The following KCTD1 variants were observed in gnomAD, a reference collection of about 807,000 sequenced individuals.
KCTD1 encodes BTB/POZ domain-containing protein KCTD1.
Under a neutral mutation model 66.0 loss-of-function variants are expected in KCTD1, and 24 were observed. The ratio of observed to expected loss-of-function variants is 0.36; its 90% CI spans 0.26 to 0.51. The LOEUF (loss-of-function observed/expected upper bound fraction) is 0.51. KCTD1 is among the 20% of genes least tolerant of loss of function. The pLI, the probability that KCTD1 is intolerant of heterozygous loss-of-function variation, is 0.95. For synonymous variants in KCTD1, 511 were observed against 517.2 expected (o/e 0.99, Z 0.16); for missense variants, 943 against 1,205.2 (o/e 0.78, Z 3.22).
chr18:26,600,794 T>C (rs1598961121), intron 1 of KCTD1, among the ~76,000 whole-genome samples: 2 of 151,982 alleles, frequency 1.3e-5, no homozygotes, highest in South Asian at 2.1e-4. Context: ...GAGTCAAGTG[T>C]CTCACAACCT....
At chr18:26,501,380 G>C in intron 1 of KCTD1, 130 bp from the exon 2 acceptor site, 1 of 779,416 alleles carries the variant, frequency 1.3e-6, no homozygotes, top group Non-Finnish European at 2.0e-6. Context: ...AAACCGGCAA[G>C]CTCTTGCTTT....
chr18:26,538,928 C>T (rs757150451), intron 1 of KCTD1, among the ~76,000 whole-genome samples: 3 of 152,186 alleles, frequency 2.0e-5, no homozygotes, highest in Admixed American at 6.5e-5. Context: ...CACAGCAAAA[C>T]GGAAGCCTGC....
At chr18:26,643,771 G>A (rs1001686575), upstream of KCTD1, among the ~76,000 whole-genome samples, 3 of 152,166 alleles carry the variant, frequency 2.0e-5, no homozygotes, top group Admixed American at 6.5e-5. Flanking sequence ...GACCATCCTG[G>A]CTAACACGAT....
At chr18:26,504,490 C>A (rs1166630388) in intron 1 of KCTD1, among the ~76,000 whole-genome samples, 1 of 152,124 alleles carries the variant, frequency 6.6e-6, no homozygotes, top group Non-Finnish European at 1.5e-5. Flanking sequence ...CCTCGGCCTC[C>A]AAAGTGTTGG....
intron 1 of KCTD1, among the ~76,000 whole-genome samples, chr18:26,567,377 G>C (rs1245051887): frequency 6.6e-6 from 1 of 152,156 alleles, no homozygotes. Context: ...GCTTTCTTGA[G>C]AGTAAGTTAA....
At chr18:26,583,044 G>A (rs771325761) in intron 1 of KCTD1, among the ~76,000 whole-genome samples, 33 of 151,872 alleles carry the variant, frequency 2.2e-4, no homozygotes, top group South Asian at 6.3e-4. Flanking sequence ...ATATATTTCC[G>A]TAATGTTTAA....
chr18:26,548,313 T>C lies in KCTD1; in HGVS notation c.224A>G (p.Glu75Gly). 6.7e-7 allele frequency: 1 copy of C among 1,497,668 alleles called. No individual in the cohort carries two copies. Among genetic ancestry groups the C allele is most frequent in the Non-Finnish European group, 8.9e-7 (1 of 1,125,892 alleles). The allele number at this position is 1,497,668 out of a possible 1,614,324, so 92.8% of individuals were successfully genotyped here. Residue 75 changes from glutamate (E) to glycine (G), a missense_variant, in exon 1 of 5, where the codon GAG becomes GGG. By Grantham distance (98) the Glu-to-Gly change is moderately conservative (BLOSUM62 -2). Around this residue, in one of 10 missense-constraint regions of KCTD1, gnomAD observed 236 missense variants for 206.6 expected, o/e 1.14. Transcript: ENST00000580059. ...EIQEVQITGDEEEEEDGGGGL... is the reference protein window; with the variant it reads ...EIQEVQITGDGEEEEDGGGGL... ...CCCACCTCCGTCCTCCTCCTCCTCC[T>C]CGTCCCCCGTTATCTGCACCTCCTG...
chr18:26,574,963 C>G (rs569576211), intron 1 of KCTD1, among the ~76,000 whole-genome samples: 1 of 152,224 alleles, frequency 6.6e-6, no homozygotes, highest in African/African-American at 2.4e-5. Context: ...TTTGCAGGTG[C>G]AACAATCCTG....
intron 1 of KCTD1, among the ~76,000 whole-genome samples, chr18:26,637,158 T>G (rs569224): frequency 0.81 from 123,060 of 152,130 alleles, 49,935 homozygotes; most frequent in East Asian, 0.85. Flanking sequence ...TTTTGTTGTT[T>G]TTCCTGTGAG....
intron 1 of KCTD1, among the ~76,000 whole-genome samples, chr18:26,604,598 G>A (rs1986971618): frequency 6.6e-6 from 1 of 152,186 alleles, no homozygotes; most frequent in South Asian, 2.1e-4. Flanking sequence ...GAACATAAAT[G>A]GAGCTGGAGG....
chr18:26,610,502 C>T (rs1448565955), intron 1 of KCTD1, among the ~76,000 whole-genome samples: 1 of 151,938 alleles, frequency 6.6e-6, no homozygotes, highest in East Asian at 1.9e-4. Flanking sequence ...TGTTTGAGCC[C>T]ATAAATTTAA....
chr18:26,530,308 T>C (rs1984375484), intron 1 of KCTD1, among the ~76,000 whole-genome samples: 2 of 152,272 alleles, frequency 1.3e-5, no homozygotes, highest in South Asian at 4.2e-4. Context: ...ATCTTTGTTG[T>C]ATTTCCAAGG....
At chr18:26,504,630 C>T (rs1982936887) in intron 1 of KCTD1, among the ~76,000 whole-genome samples, 1 of 152,152 alleles carries the variant, frequency 6.6e-6, no homozygotes, top group Non-Finnish European at 1.5e-5. Context: ...GCTTCAGCCT[C>T]CCAAGTCACT....
chr18:26,546,929 C>T lies in KCTD1; in HGVS notation c.1608G>A (p.Leu536=). 1 of 1,480,604 alleles carries T rather than the reference C, an allele frequency of 6.8e-7. No individual in the cohort carries two copies. The highest frequency in any genetic ancestry group is 9.0e-7 in the Non-Finnish European group (1 of 1,113,322). 91.7% of individuals were successfully genotyped at this position (1,480,604 alleles called of 1,614,324 possible). The part of the protein sequence containing the change: ...VKSEAAPKRA[L]YESVFGSGEI... Reference sequence around the variant, plus strand: ...CCCCCGACCCGAACACAGACTCGTACAGGGCGCGCTTGGGCGCAGCCTCGG... The same window carrying T: ...CCCCCGACCCGAACACAGACTCGTATAGGGCGCGCTTGGGCGCAGCCTCGG... The change falls in exon 1 of 5, where the codon CTG becomes CTA. Residue 536 remains leucine (L), a synonymous_variant. Transcript: ENST00000580059.
At chr18:26,548,716 T>TGGAGGGGAGGGG (rs1985405197), upstream of KCTD1, 1 of 547,132 alleles carries the variant, frequency 1.8e-6, no homozygotes, top group Non-Finnish European at 2.1e-6. Context: ...GCGCAGGGGA[T>TGGAGGGGAGGGG]GGAGGGGAGG....
intron 1 of KCTD1, among the ~76,000 whole-genome samples, chr18:26,557,144 A>C (rs1159411648): frequency 1.3e-5 from 2 of 152,178 alleles, no homozygotes; most frequent in Non-Finnish European, 2.9e-5. Flanking sequence ...TGGTTATCTT[A>C]GTGCAATCTG....
intron 1 of KCTD1, among the ~76,000 whole-genome samples, chr18:26,652,710 C>T (rs1444731103): frequency 6.6e-6 from 1 of 152,112 alleles, no homozygotes; most frequent in Non-Finnish European, 1.5e-5. Context: ...TGTAGGCACT[C>T]CAGACCCAAT....
intron 1 of KCTD1, among the ~76,000 whole-genome samples, chr18:26,623,268 C>G (rs960991245): frequency 6.6e-6 from 1 of 152,198 alleles, no homozygotes; most frequent in African/African-American, 2.4e-5. Context: ...TCTTCCATGG[C>G]TTCCTAATGT....
At chr18:26,506,078 C>T (rs1400681597) in intron 1 of KCTD1, among the ~76,000 whole-genome samples, 2 of 150,830 alleles carry the variant, frequency 1.3e-5, no homozygotes, top group Non-Finnish European at 3.0e-5. Flanking sequence ...AATGGGGTTT[C>T]GCTATGTTGC....
Sources: allele counts gnomAD v4.1 joint callset (sites outside exome capture counted in the v4.1 genomes callset), GRCh38; gene constraint gnomAD v4.1.1; regional missense constraint gnomAD v4.1.1; transcripts MANE v1.5; gene names NCBI Gene and HGNC (gene_info 2026-07-23, HGNC 2026-07-21).